The following RCAN2 variants were observed in gnomAD, a reference collection of about 807,000 sequenced individuals.
The protein encoded by RCAN2 is calcipressin-2.
RCAN2 carries 9 observed loss-of-function variants against 23.6 expected under a neutral mutation model. That is an observed-to-expected ratio of 0.38 (90% CI 0.23 to 0.67). The LOEUF is 0.67. Ranked by LOEUF, RCAN2 falls within the 30% of genes least tolerant of loss-of-function variation. The probability of loss-of-function intolerance (pLI) is 0.51; values close to 1 mark genes in which losing one functional copy is unlikely to be tolerated. For synonymous variants in RCAN2, 109 were observed against 115.7 expected (o/e 0.94, Z 0.37); for missense variants, 273 against 302.3 (o/e 0.90, Z 0.72).
intron 2 of RCAN2, among the ~76,000 whole-genome samples, chr6:46,328,299 A>C (rs575298545): frequency 6.6e-6 from 1 of 152,144 alleles, no homozygotes; most frequent in Non-Finnish European, 1.5e-5. Flanking sequence ...TTGTCAACTC[A>C]TCTGTATAAG....
At chr6:46,422,642 G>C (rs1242454014) in intron 2 of RCAN2, among the ~76,000 whole-genome samples, 4 of 152,098 alleles carry the variant, frequency 2.6e-5, no homozygotes, top group Non-Finnish European at 5.9e-5. Context: ...AGAAAATTTA[G>C]GTCTATTCCA....
At chr6:46,405,241 G>T (rs377629533) in intron 2 of RCAN2, among the ~76,000 whole-genome samples, 2 of 152,154 alleles carry the variant, frequency 1.3e-5, no homozygotes, top group African/African-American at 4.8e-5. Flanking sequence ...GATCTTCACC[G>T]TGAGTGTTAC....
intron 2 of RCAN2, among the ~76,000 whole-genome samples, chr6:46,359,395 G>T (rs189267388): frequency 6.6e-6 from 1 of 152,238 alleles, no homozygotes; most frequent in East Asian, 1.9e-4. Flanking sequence ...GAAGTGAGAA[G>T]ACAGCAAAGA....
intron 1 of RCAN2, among the ~76,000 whole-genome samples, chr6:46,463,890 T>G (rs1768297311): frequency 6.6e-6 from 1 of 152,236 alleles, no homozygotes; most frequent in East Asian, 1.9e-4. Context: ...TCACCTCATT[T>G]GCTTCTAAAA....
chr6:46,239,809 T>C (rs1246019152), intron 4 of RCAN2, among the ~76,000 whole-genome samples: 1 of 152,182 alleles, frequency 6.6e-6, no homozygotes, highest in African/African-American at 2.4e-5. Flanking sequence ...TGGAGGTTTC[T>C]CTCTAATACT....
chr6:46,245,966 T>C (rs540126400), intron 4 of RCAN2, among the ~76,000 whole-genome samples: 2 of 152,280 alleles, frequency 1.3e-5, no homozygotes, highest in African/African-American at 4.8e-5. Context: ...AAAAATACTT[T>C]GGGGCGCAAG....
Position 46,223,263 on chromosome 6 carries a change from G to T in RCAN2, c.610C>A (p.Pro204Thr). The T allele has an allele frequency of 6.2e-7, 1 of 1,613,906 alleles. No homozygotes were observed. Among genetic ancestry groups the T allele is most frequent in the Non-Finnish European group, 8.5e-7 (1 of 1,179,892 alleles). Residue 204 changes from proline to threonine, a missense_variant, in exon 5 of 5, where the codon CCA becomes ACA. Physicochemically the swap from Pro to Thr is conservative, Grantham distance 38. Transcript: ENST00000371374. ...YELHAGTEST[P>T]SVVVHVCDSD... ...TCGCACACGTGCACGACGACACTTG[G>T]GGTGGACTCAGTCCCTGCATGGAGC... is the stretch of plus-strand genomic sequence containing the variant.
chr6:46,325,367 T>C, intron 2 of RCAN2: 5 of 1,612,482 alleles, frequency 3.1e-6, no homozygotes, highest in Non-Finnish European at 4.2e-6. Flanking sequence ...ACAGCAACAA[T>C]GAAAAATAAG....
At chr6:46,487,931 GT>G (rs1769040817) in intron 1 of RCAN2, among the ~76,000 whole-genome samples, 1 of 152,208 alleles carries the variant, frequency 6.6e-6, no homozygotes, top group Admixed American at 6.5e-5. Context: ...ACTTCAGAAT[GT>G]CACACTCCCT....
intron 4 of RCAN2, among the ~76,000 whole-genome samples, chr6:46,228,059 A>T (rs12527442): frequency 0.26 from 38,926 of 152,030 alleles, 5,992 homozygotes; most frequent in African/African-American, 0.42. Flanking sequence ...GAGCAGGTTG[A>T]TCAGTTTCCA....
chr6:46,329,474 T>C (rs557996934), intron 2 of RCAN2, among the ~76,000 whole-genome samples: 1 of 152,286 alleles, frequency 6.6e-6, no homozygotes, highest in South Asian at 2.1e-4. Context: ...GCTCCCTGCT[T>C]ATTCCCAGGG....
At chr6:46,403,250 C>T (rs1561891325) in intron 2 of RCAN2, among the ~76,000 whole-genome samples, 1 of 151,488 alleles carries the variant, frequency 6.6e-6, no homozygotes, top group Non-Finnish European at 1.5e-5. Context: ...TAGGCGTGAG[C>T]CACCGCGCCC....
intron 2 of RCAN2, among the ~76,000 whole-genome samples, chr6:46,311,658 G>A (rs1763263716): frequency 6.6e-6 from 1 of 152,176 alleles, no homozygotes; most frequent in African/African-American, 2.4e-5. Flanking sequence ...TACCTGCCAT[G>A]CCTTTGAAAC....
chr6:46,402,271 T>A (rs1053420591), intron 2 of RCAN2, among the ~76,000 whole-genome samples: 2 of 152,092 alleles, frequency 1.3e-5, no homozygotes, highest in African/African-American at 4.8e-5. Context: ...GGTAAGTATA[T>A]ACGTGTGTAT....
At chr6:46,242,373 C>T (rs1234992497) in intron 4 of RCAN2, among the ~76,000 whole-genome samples, 1 of 152,228 alleles carries the variant, frequency 6.6e-6, no homozygotes, top group East Asian at 1.9e-4. Flanking sequence ...TCCTAATAAA[C>T]TGTGTCATTG....
intron 4 of RCAN2, among the ~76,000 whole-genome samples, chr6:46,241,393 A>G (rs534571508): frequency 6.6e-6 from 1 of 152,358 alleles, no homozygotes; most frequent in Non-Finnish European, 1.5e-5. Flanking sequence ...CAAGGGACTA[A>G]TAGAAACACA....
chr6:46,383,718 G>T (rs1765669318), intron 2 of RCAN2, among the ~76,000 whole-genome samples: 1 of 152,194 alleles, frequency 6.6e-6, no homozygotes, highest in African/African-American at 2.4e-5. Context: ...GTTGCCACAT[G>T]TGGCTACTGG....
Position 46,249,007 on chromosome 6 carries a change from G to T in RCAN2, c.226-111C>A, listed in dbSNP as rs1766617593. 5.7e-6 allele frequency: 4 copies of T among 707,226 alleles called. No individual in the cohort carries two copies. In the South Asian group the frequency reaches 7.7e-5, roughly 14 times the overall value. The allele number at this position is 707,226 out of a possible 1,614,324, so 43.8% of individuals were successfully genotyped here. On this transcript the variant is annotated intron_variant, in intron 2 of 4. Coordinates refer to ENST00000371374, the MANE Select transcript of RCAN2 (RefSeq NM_001251974.2). ...ATAAATAGGCTGTTAATAACATATG[G>T]TTTAAATAGAACACCAGTAATGTAT...
At chr6:46,439,369 T>C (rs1767461639) in intron 2 of RCAN2, among the ~76,000 whole-genome samples, 1 of 152,232 alleles carries the variant, frequency 6.6e-6, no homozygotes, top group African/African-American at 2.4e-5. Flanking sequence ...CAAAAGGAAG[T>C]CATTCCTAGT....
Sources: gnomAD v4.1 joint callset for allele counts (sites outside exome capture counted in the v4.1 genomes callset) on GRCh38, gnomAD v4.1.1 for gene constraint, MANE v1.5 for transcripts, NCBI Gene and HGNC (gene_info 2026-07-23, HGNC 2026-07-21) for gene names.